STARD13: variants seen among roughly 807,000 people sequenced by gnomAD.
STARD13 encodes StAR related lipid transfer domain containing 13.
Under a neutral mutation model 106.4 loss-of-function variants are expected in STARD13, and 62 were observed. That is an observed-to-expected ratio of 0.58 (90% CI 0.48 to 0.72). The LOEUF is 0.72. Ranked by LOEUF, STARD13 falls within the 30% of genes least tolerant of loss-of-function variation. STARD13 has a pLI of 0.00. For synonymous variants in STARD13, 565 were observed against 553.0 expected (o/e 1.02, Z -0.31); for missense variants, 1,387 against 1,424.0 (o/e 0.97, Z 0.42).
chr13:33,127,199 T>C (rs1208655591), intron 6 of STARD13, among the ~76,000 whole-genome samples, 174 bp downstream of exon 6: 2 of 152,266 alleles, frequency 1.3e-5, no homozygotes, highest in Non-Finnish European at 2.9e-5. Context: ...CAATGTTTCC[T>C]GTAGGGTCCA....
chr13:33,607,727 A>G, the STARD13 span, among the ~76,000 whole-genome samples: 1 of 152,216 alleles, frequency 6.6e-6, no homozygotes, highest in East Asian at 1.9e-4. Context: ...TATGCAAACT[A>G]TTAGAACAAA....
At chr13:33,124,375 C>T (rs761437885) in intron 7 of STARD13, among the ~76,000 whole-genome samples, 7 of 152,192 alleles carry the variant, frequency 4.6e-5, no homozygotes, top group Non-Finnish European at 5.9e-5. Flanking sequence ...GTGACTGACG[C>T]GAGATGCGTG....
the STARD13 span, among the ~76,000 whole-genome samples, chr13:33,548,975 A>C: frequency 6.6e-6 from 1 of 152,218 alleles, no homozygotes; most frequent in Non-Finnish European, 1.5e-5. Context: ...TTTAAATCAC[A>C]AAAGCAATCA....
chr13:33,630,070 A>G, the STARD13 span, among the ~76,000 whole-genome samples: 4 of 152,350 alleles, frequency 2.6e-5, no homozygotes, highest in African/African-American at 9.6e-5. Context: ...TAATTTTTGT[A>G]TATTTACAAA....
chr13:33,222,095 G>A (rs1888390975), intron 1 of STARD13, among the ~76,000 whole-genome samples: 1 of 151,308 alleles, frequency 6.6e-6, no homozygotes, highest in African/African-American at 2.4e-5. Flanking sequence ...GTTGCAGTGA[G>A]CCGAGATCAC....
chr13:33,652,379 A>G, the STARD13 span, among the ~76,000 whole-genome samples: 2 of 152,220 alleles, frequency 1.3e-5, no homozygotes, highest in Non-Finnish European at 2.9e-5. Flanking sequence ...TTAAGCCACA[A>G]TTTGATGATT....
At chr13:33,303,120 G>A (rs1463086215) in intron 1 of STARD13, among the ~76,000 whole-genome samples, 1 of 152,012 alleles carries the variant, frequency 6.6e-6, no homozygotes, top group Non-Finnish European at 1.5e-5. Flanking sequence ...CCCTTCTCTA[G>A]GATACCTTCC....
chr13:33,385,241 A>ATATATATATG, the STARD13 span, among the ~76,000 whole-genome samples: 4 of 125,338 alleles, frequency 3.2e-5, no homozygotes, highest in East Asian at 8.8e-4. Context: ...ATATATATAT[A>ATATATATATG]TATATATATA....
the STARD13 span, among the ~76,000 whole-genome samples, chr13:33,465,805 G>A: frequency 9.9e-4 from 150 of 152,260 alleles, no homozygotes; most frequent in Middle Eastern, 3.4e-3. Context: ...ACCAGTCCAT[G>A]TAAGGATAAT....
the STARD13 span, among the ~76,000 whole-genome samples, chr13:33,421,199 A>G: frequency 6.6e-6 from 1 of 152,206 alleles, no homozygotes; most frequent in Non-Finnish European, 1.5e-5. Flanking sequence ...AACTGCTAGT[A>G]AGACTAATAA....
chr13:33,674,356 T>C, the STARD13 span, among the ~76,000 whole-genome samples: 1 of 152,188 alleles, frequency 6.6e-6, no homozygotes, highest in African/African-American at 2.4e-5. Flanking sequence ...CAGCCTTTCA[T>C]TCATTCAATA....
chr13:33,549,879 C>G, the STARD13 span, among the ~76,000 whole-genome samples: 1 of 152,134 alleles, frequency 6.6e-6, no homozygotes. Context: ...GAGGTTGTGC[C>G]AGGCATGCAC....
chr13:33,191,133 G>A (rs919235839), intron 1 of STARD13, among the ~76,000 whole-genome samples: 2 of 152,114 alleles, frequency 1.3e-5, no homozygotes, highest in African/African-American at 2.4e-5. Flanking sequence ...CTATATACGC[G>A]GTTTTCAGCT....
the STARD13 span, among the ~76,000 whole-genome samples, chr13:33,487,188 A>G: frequency 6.6e-5 from 10 of 152,216 alleles, no homozygotes; most frequent in African/African-American, 1.2e-4. Flanking sequence ...GAAATCATCC[A>G]TGTAAAGCTC....
chr13:33,298,121 GTTTTTTTTTTTT>G (rs71071090), intron 1 of STARD13, among the ~76,000 whole-genome samples: 1 of 51,944 alleles, frequency 1.9e-5, no homozygotes, highest in African/African-American at 7.4e-5. Context: ...CCCATCTACA[GTTTTTTTTTTTT>G]TTTTTTTTTT....
the STARD13 span, among the ~76,000 whole-genome samples, chr13:33,443,221 C>G: frequency 6.6e-6 from 1 of 151,668 alleles, no homozygotes; most frequent in Non-Finnish European, 1.5e-5. Flanking sequence ...ACTAAAAATA[C>G]AAAAAATTAG....
intron 1 of STARD13, among the ~76,000 whole-genome samples, chr13:33,242,242 TG>T (rs988674416): frequency 6.6e-6 from 1 of 152,110 alleles, no homozygotes; most frequent in Non-Finnish European, 1.5e-5. Flanking sequence ...CCACCCTGTC[TG>T]GGAGGTGTAC....
the STARD13 span, among the ~76,000 whole-genome samples, chr13:33,440,464 T>C: frequency 6.6e-6 from 1 of 151,808 alleles, no homozygotes; most frequent in Non-Finnish European, 1.5e-5. Context: ...TACTCCTTCC[T>C]TCTGCAACTT....
exon 1 of STARD13, chr13:33,350,510 C>A: frequency 6.9e-7 from 1 of 1,457,058 alleles, no homozygotes; most frequent in Non-Finnish European, 9.1e-7. Flanking sequence ...ACGGACGCGG[C>A]ACTCCCGCCG....
Sources: allele counts gnomAD v4.1 joint callset (sites outside exome capture counted in the v4.1 genomes callset), GRCh38; gene constraint gnomAD v4.1.1; transcripts MANE v1.5; gene names NCBI Gene and HGNC (gene_info 2026-07-23, HGNC 2026-07-21).